CRIM1: variants seen among roughly 807,000 people sequenced by gnomAD.
CRIM1 encodes cysteine-rich motor neuron 1 protein.
CRIM1 carries 32 observed loss-of-function variants against 116.4 expected under a neutral mutation model. The ratio of observed to expected loss-of-function variants is 0.27; its 90% CI spans 0.21 to 0.37. The LOEUF (loss-of-function observed/expected upper bound fraction) is 0.37. Among genes scored for constraint, CRIM1 ranks in the 10% least tolerant of loss-of-function variants. The pLI, the probability that CRIM1 is intolerant of heterozygous loss-of-function variation, is 1.00. For synonymous variants in CRIM1, 590 were observed against 509.2 expected, an observed-to-expected ratio of 1.16 and a Z score of -2.13; for missense variants, 1,331 against 1,354.8, an observed-to-expected ratio of 0.98 and a Z score of 0.28.
intron 1 of CRIM1, among the ~76,000 whole-genome samples, chr2:36,388,342 C>G (rs1671326687): frequency 6.6e-6 from 1 of 150,770 alleles, no homozygotes; most frequent in Admixed American, 6.6e-5. Flanking sequence ...ACTTTGTTTT[C>G]AAAACAAAGT....
At chr2:36,406,689 C>G (rs1672832165) in intron 2 of CRIM1, among the ~76,000 whole-genome samples, 2 of 142,508 alleles carry the variant, frequency 1.4e-5, no homozygotes, top group African/African-American at 5.3e-5. Flanking sequence ...CGTCCTGAAA[C>G]CAAGCATTCT....
intron 4 of CRIM1, among the ~76,000 whole-genome samples, chr2:36,447,253 G>A (rs1337940734): frequency 6.6e-6 from 1 of 151,886 alleles, no homozygotes; most frequent in African/African-American, 2.4e-5. Context: ...TTTTTTTATT[G>A]AAAACCCTGT....
intron 7 of CRIM1, 53 bp downstream of exon 7, chr2:36,479,747 G>A: frequency 2.0e-6 from 3 of 1,533,482 alleles, no homozygotes; most frequent in Non-Finnish European, 9.0e-7. Flanking sequence ...TGTTGGAGAA[G>A]CTTCTACCAG....
At chr2:36,455,549 G>T (rs1314453637) in intron 4 of CRIM1, among the ~76,000 whole-genome samples, 3 of 152,112 alleles carry the variant, frequency 2.0e-5, no homozygotes, top group African/African-American at 7.2e-5. Flanking sequence ...CCAAACCTCT[G>T]CCCTCTAAAG....
chr2:36,535,311 C>T (rs1178621179), intron 13 of CRIM1, among the ~76,000 whole-genome samples: 1 of 152,126 alleles, frequency 6.6e-6, no homozygotes, highest in African/African-American at 2.4e-5. Context: ...TTCTGTTCAG[C>T]CAATTTGACA....
At chr2:36,385,051 A>G (rs1367743374) in intron 1 of CRIM1, among the ~76,000 whole-genome samples, 1 of 152,014 alleles carries the variant, frequency 6.6e-6, no homozygotes, top group African/African-American at 2.4e-5. Flanking sequence ...GTGTAGTAGG[A>G]ATAAATAAGA....
intron 1 of CRIM1, among the ~76,000 whole-genome samples, chr2:36,388,109 T>C (rs1414215071): frequency 6.6e-6 from 1 of 152,176 alleles, no homozygotes; most frequent in African/African-American, 2.4e-5. Flanking sequence ...CATTAAAAAA[T>C]CTTTTTATTA....
chr2:36,401,622 A>G (rs3821162), intron 2 of CRIM1, among the ~76,000 whole-genome samples: 28,874 of 152,196 alleles, frequency 0.19, 3,028 homozygotes, highest in South Asian at 0.33. Context: ...AGTGGTCATA[A>G]GTAATGTCAA....
intron 1 of CRIM1, among the ~76,000 whole-genome samples, chr2:36,394,199 T>A (rs755379861): frequency 7.2e-5 from 11 of 152,164 alleles, no homozygotes; most frequent in Non-Finnish European, 1.5e-4. Context: ...CTTAAAACTG[T>A]GAAGGAAAGG....
chr2:36,431,820 T>A (rs1304201557), intron 2 of CRIM1, among the ~76,000 whole-genome samples: 5 of 152,220 alleles, frequency 3.3e-5, no homozygotes, highest in Non-Finnish European at 7.3e-5. Context: ...ATTTTACAGA[T>A]GAACACCAGA....
chr2:36,412,099 A>G (rs1673255627), intron 2 of CRIM1, among the ~76,000 whole-genome samples: 1 of 152,186 alleles, frequency 6.6e-6, no homozygotes, highest in African/African-American at 2.4e-5. Flanking sequence ...CAAGTCAGAA[A>G]GCTTGACTCC....
At chr2:36,390,005 TTCC>T (rs1247619075) in intron 1 of CRIM1, among the ~76,000 whole-genome samples, 2 of 152,158 alleles carry the variant, frequency 1.3e-5, no homozygotes, top group Admixed American at 6.5e-5. Context: ...AGTGCCCACT[TTCC>T]TGCCCTCAGG....
chr2:36,450,443 G>C (rs768954990), intron 4 of CRIM1, among the ~76,000 whole-genome samples: 18 of 152,180 alleles, frequency 1.2e-4, no homozygotes, highest in Non-Finnish European at 1.8e-4. Context: ...TACACACACA[G>C]AATAATATTC....
chr2:36,402,119 G>A (rs1455522747), intron 2 of CRIM1, among the ~76,000 whole-genome samples: 1 of 152,212 alleles, frequency 6.6e-6, no homozygotes, highest in Non-Finnish European at 1.5e-5. Context: ...TCTCAAACTT[G>A]AGAGAGCCTG....
chr2:36,490,755 G>A lies in CRIM1; in HGVS notation c.1373-8464G>A, dbSNP rs79422655. Among the ~76,000 whole-genome samples, 453 of 152,042 alleles carry A rather than the reference G, an allele frequency of 3.0e-3. 2 individuals are homozygous for A. The highest frequency in any genetic ancestry group is 0.01 in the African/African-American group (428 of 41,482). On this transcript the variant is annotated intron_variant, in intron 7 of 16. Transcript: ENST00000280527. ...GGACATTACTCAACCCAAGAGCCCC[G>A]ACCCACTCTCCCATCCTGTCAGGCT... is the stretch of plus-strand genomic sequence containing the variant.
At chr2:36,523,019 A>G (rs1021313047) in intron 13 of CRIM1, among the ~76,000 whole-genome samples, 2 of 150,688 alleles carry the variant, frequency 1.3e-5, no homozygotes, top group African/African-American at 2.4e-5. Flanking sequence ...CAGTGGTGCA[A>G]TCTCAGCTTG....
chr2:36,535,735 C>T (rs189085597), intron 13 of CRIM1, among the ~76,000 whole-genome samples: 2 of 152,260 alleles, frequency 1.3e-5, no homozygotes, highest in East Asian at 3.9e-4. Flanking sequence ...TTATTAGTGC[C>T]ATTTATAAAG....
In CRIM1 at chr2:36,450,923, A is replaced by T. The variant is rs182365566; in HGVS notation, c.869+8188A>T. On this transcript the variant is annotated intron_variant, in intron 4 of 16. Transcript: ENST00000280527. Reference sequence around the variant, plus strand: ...GTGAATAGATAGAGATGTTTAGAAGAAGTTTTCTGGGGTTCCAGAATTCAC... The same window carrying T: ...GTGAATAGATAGAGATGTTTAGAAGTAGTTTTCTGGGGTTCCAGAATTCAC... Among the ~76,000 whole-genome samples the T allele has an allele frequency of 1.3e-3, 195 of 152,314 alleles. 1 individual carries two copies. Among genetic ancestry groups the T allele is most frequent in the African/African-American group, 4.4e-3 (181 of 41,572 alleles).
intron 9 of CRIM1, among the ~76,000 whole-genome samples, chr2:36,511,345 G>A (rs971442871): frequency 1.6e-4 from 25 of 152,068 alleles, no homozygotes; most frequent in African/African-American, 7.2e-5. Context: ...GGGAGGGGTC[G>A]TCTTTATAAT....
Sources: gnomAD v4.1 joint callset for allele counts (sites outside exome capture counted in the v4.1 genomes callset) on GRCh38, gnomAD v4.1.1 for gene constraint, MANE v1.5 for transcripts, NCBI Gene and HGNC (gene_info 2026-07-23, HGNC 2026-07-21) for gene names.